Variants in KCNAB1 observed in about 807,000 individuals in gnomAD.
The protein encoded by KCNAB1 is potassium voltage-gated channel subfamily A regulatory beta subunit 1.
In KCNAB1, 35 loss-of-function variants were observed where a neutral mutation model predicts 64.6. The observed-to-expected ratio is 0.54, with a 90% CI of 0.41 to 0.72. The LOEUF (loss-of-function observed/expected upper bound fraction) is 0.72. Ranked by LOEUF, KCNAB1 falls within the 30% of genes least tolerant of loss-of-function variation. The probability of loss-of-function intolerance (pLI) is 0.00; values close to 1 mark genes in which losing one functional copy is unlikely to be tolerated. For synonymous variants in KCNAB1, 177 were observed against 183.8 expected, an observed-to-expected ratio of 0.96 and a Z score of 0.30; for missense variants, 401 against 512.9, an observed-to-expected ratio of 0.78 and a Z score of 2.11.
At chr3:156,381,080 T>C (rs918385043) in intron 1 of KCNAB1, among the ~76,000 whole-genome samples, 1 of 152,158 alleles carries the variant, frequency 6.6e-6, no homozygotes, top group Non-Finnish European at 1.5e-5. Context: ...AAGCATCATA[T>C]TGGGTCCCAA....
intron 1 of KCNAB1, among the ~76,000 whole-genome samples, chr3:156,350,194 A>ATGAG (rs1330975831): frequency 6.6e-6 from 1 of 152,220 alleles, no homozygotes; most frequent in African/African-American, 2.4e-5. Flanking sequence ...TTCTGAGCAC[A>ATGAG]TGAGTACAGA....
intron 1 of KCNAB1, among the ~76,000 whole-genome samples, chr3:156,341,131 A>T (rs73873318): frequency 6.6e-6 from 1 of 152,228 alleles, no homozygotes; most frequent in South Asian, 2.1e-4. Context: ...ACAGCAAAAA[A>T]TACAGAACTT....
intron 1 of KCNAB1, among the ~76,000 whole-genome samples, chr3:156,156,576 A>G (rs1423878406): frequency 1.3e-5 from 2 of 152,216 alleles, no homozygotes; most frequent in African/African-American, 4.8e-5. Context: ...TGAAAAATAA[A>G]TGGATATGAT....
chr3:156,367,042 G>C (rs759641580), intron 1 of KCNAB1, among the ~76,000 whole-genome samples: 3 of 152,100 alleles, frequency 2.0e-5, no homozygotes, highest in Non-Finnish European at 2.9e-5. Context: ...TACCTGGGCA[G>C]GTTGATTAGA....
intron 1 of KCNAB1, among the ~76,000 whole-genome samples, chr3:156,336,086 G>A (rs555160329): frequency 2.6e-5 from 4 of 152,280 alleles, no homozygotes; most frequent in East Asian, 1.9e-4. Flanking sequence ...CAGGCCAGGC[G>A]TGATGGCTCA....
At chr3:156,271,396 TTGAC>T (rs1415419119) in intron 1 of KCNAB1, among the ~76,000 whole-genome samples, 1 of 152,230 alleles carries the variant, frequency 6.6e-6, no homozygotes, top group Non-Finnish European at 1.5e-5. Flanking sequence ...TTTGTCTCCT[TTGAC>T]TGTGTATTTT....
At chr3:156,499,213 TG>T (rs1415352685) in intron 8 of KCNAB1, among the ~76,000 whole-genome samples, 1 of 152,234 alleles carries the variant, frequency 6.6e-6, no homozygotes, top group Non-Finnish European at 1.5e-5. Flanking sequence ...AGAGTTTTGA[TG>T]GGAAATCATG....
At chr3:156,326,665 T>G (rs1332204352) in intron 1 of KCNAB1, among the ~76,000 whole-genome samples, 3 of 152,172 alleles carry the variant, frequency 2.0e-5, no homozygotes. Flanking sequence ...TGCTCCTGCC[T>G]GAGGACCTTT....
At chr3:156,299,298 T>C (rs994397280) in intron 1 of KCNAB1, among the ~76,000 whole-genome samples, 2 of 152,228 alleles carry the variant, frequency 1.3e-5, no homozygotes, top group Non-Finnish European at 2.9e-5. Context: ...TCTCTGGAAG[T>C]AGCAAAGCCA....
At chr3:156,172,720 C>T (rs1393789983) in intron 1 of KCNAB1, among the ~76,000 whole-genome samples, 1 of 152,122 alleles carries the variant, frequency 6.6e-6, no homozygotes, top group Non-Finnish European at 1.5e-5. Flanking sequence ...CATGAAGTCA[C>T]AGAGTAGACA....
chr3:156,205,075 A>T (rs1182357102), intron 1 of KCNAB1, among the ~76,000 whole-genome samples: 2 of 152,210 alleles, frequency 1.3e-5, no homozygotes, highest in Non-Finnish European at 2.9e-5. Flanking sequence ...TTTGTAAATT[A>T]CTTGAAAAGA....
chr3:156,144,761 C>T (rs961151154), intron 1 of KCNAB1, among the ~76,000 whole-genome samples: 2 of 152,154 alleles, frequency 1.3e-5, no homozygotes, highest in African/African-American at 2.4e-5. Flanking sequence ...AAAAAGTCTG[C>T]CTCCATGTCT....
intron 1 of KCNAB1, among the ~76,000 whole-genome samples, chr3:156,246,715 G>A (rs1452381973): frequency 1.3e-5 from 2 of 151,316 alleles, no homozygotes; most frequent in African/African-American, 4.9e-5. Flanking sequence ...TTAGGTGAGA[G>A]AAAGGGATAC....
At chr3:156,463,808 C>A in intron 6 of KCNAB1, 62 bp downstream of exon 6, 1 of 1,334,994 alleles carries the variant, frequency 7.5e-7, no homozygotes, top group Non-Finnish European at 1.1e-6. Context: ...TGCTGTTAGG[C>A]AGTTATTTTA....
At chr3:156,195,373 A>G (rs551279789) in intron 1 of KCNAB1, among the ~76,000 whole-genome samples, 1 of 152,304 alleles carries the variant, frequency 6.6e-6, no homozygotes, top group South Asian at 2.1e-4. Flanking sequence ...TGTCTTCCAC[A>G]ATGGTTGAAC....
At chr3:156,500,552 T>C (rs1716329426) in intron 8 of KCNAB1, among the ~76,000 whole-genome samples, 2 of 152,154 alleles carry the variant, frequency 1.3e-5, no homozygotes, top group Non-Finnish European at 2.9e-5. Flanking sequence ...CTTAAAGATA[T>C]TATCTTTAGA....
At chr3:156,289,132 C>T (rs950863446) in intron 1 of KCNAB1, among the ~76,000 whole-genome samples, 1 of 152,232 alleles carries the variant, frequency 6.6e-6, no homozygotes, top group Non-Finnish European at 1.5e-5. Context: ...AGAAATTGCT[C>T]TGCTAGTTCT....
At chr3:156,135,615 G>T (rs150481551) in intron 1 of KCNAB1, among the ~76,000 whole-genome samples, 7 of 152,324 alleles carry the variant, frequency 4.6e-5, no homozygotes, top group African/African-American at 1.7e-4. Flanking sequence ...TGAAGAGAGA[G>T]ATTGCTTGAT....
intron 1 of KCNAB1, among the ~76,000 whole-genome samples, chr3:156,331,519 T>A (rs1280982667): frequency 6.6e-6 from 1 of 152,220 alleles, no homozygotes; most frequent in Non-Finnish European, 1.5e-5. Context: ...TAAGAGAATT[T>A]AAAAAATATT....
Sources: allele counts gnomAD v4.1 joint callset (sites outside exome capture counted in the v4.1 genomes callset), GRCh38; gene constraint gnomAD v4.1.1; transcripts MANE v1.5; gene names NCBI Gene and HGNC (gene_info 2026-07-23, HGNC 2026-07-21).